The following SORCS3 variants were observed in gnomAD, a reference collection of about 807,000 sequenced individuals.
SORCS3 encodes VPS10 domain-containing receptor SorCS3.
A neutral mutation model predicts 146.3 loss-of-function variants in SORCS3; 57 were observed. That is an observed-to-expected ratio of 0.39 (90% CI 0.31 to 0.49). The LOEUF (loss-of-function observed/expected upper bound fraction) is 0.49. Ranked by LOEUF, SORCS3 falls within the 20% of genes least tolerant of loss-of-function variation. The pLI is 0.92. For missense variants in SORCS3, 1,341 were observed against 1,575.5 expected, an observed-to-expected ratio of 0.85 and a Z score of 2.52; for synonymous variants, 653 against 618.5, an observed-to-expected ratio of 1.06 and a Z score of -0.83.
At position 104,792,109 on chromosome 10, in the gene SORCS3, A is replaced by G. The variant is rs2451465; in HGVS notation, c.628-50683A>G. Among the ~76,000 whole-genome samples the G allele has an allele frequency of 2.0e-3, 301 of 152,252 alleles. 2 individuals are homozygous for G. Among genetic ancestry groups the G allele is most frequent in the African/African-American group, 7.1e-3 (294 of 41,550 alleles). ...AATCAGAAAGAAAAGAAGGGGTTAGATTGGAGGCATAAGTATAGAGGGAAG... is the reference window on the plus strand; with the variant it reads ...AATCAGAAAGAAAAGAAGGGGTTAGGTTGGAGGCATAAGTATAGAGGGAAG... On this transcript the variant is annotated intron_variant, in intron 1 of 26. Coordinates refer to ENST00000369701, the MANE Select transcript of SORCS3 (RefSeq NM_014978.3).
chr10:105,072,657 CTCTTTTTTTTTTTT>C lies in SORCS3; in HGVS notation c.1029-17116_1029-17103del, dbSNP rs745674052. On this transcript the variant is annotated intron_variant, in intron 5 of 26. Transcript: ENST00000369701. ...AAACCTTTTCTTTCTTTCTCTCTCT[CTCTTTTTTTTTTTT>C]TTTTTTTTTTTTTTTGGTGGTGAGG... Among the ~76,000 whole-genome samples the C allele has an allele frequency of 1.9e-3, 215 of 110,410 alleles. 6 individuals carry two copies. Among genetic ancestry groups the C allele is most frequent in the African/African-American group, 6.4e-3 (190 of 29,782 alleles). 72.4% of individuals were successfully genotyped at this position (110,410 alleles called of 152,430 possible).
At chr10:104,792,625 T>C (rs2017507922) in intron 1 of SORCS3, among the ~76,000 whole-genome samples, 1 of 152,170 alleles carries the variant, frequency 6.6e-6, no homozygotes, top group Non-Finnish European at 1.5e-5. Flanking sequence ...GGAAGTAAAA[T>C]TTTAAGTATT....
At chr10:104,865,686 C>G (rs779974332) in intron 2 of SORCS3, among the ~76,000 whole-genome samples, 13 of 152,158 alleles carry the variant, frequency 8.5e-5, no homozygotes, top group Non-Finnish European at 1.5e-4. Flanking sequence ...TGGGCTTTCA[C>G]CCGGGAGAAA....
At chr10:104,892,691 C>T (rs2018760607) in intron 2 of SORCS3, among the ~76,000 whole-genome samples, 1 of 151,896 alleles carries the variant, frequency 6.6e-6, no homozygotes, top group Admixed American at 6.6e-5. Context: ...CACTGCACTC[C>T]AGCCTGAGCA....
chr10:105,074,668 G>A (rs1398067859), intron 5 of SORCS3, among the ~76,000 whole-genome samples: 1 of 152,142 alleles, frequency 6.6e-6, no homozygotes, highest in Non-Finnish European at 1.5e-5. Context: ...CTTCCCTGTT[G>A]TCTTCCCACT....
At chr10:104,959,137 G>A (rs1048423536) in intron 3 of SORCS3, among the ~76,000 whole-genome samples, 5 of 152,084 alleles carry the variant, frequency 3.3e-5, no homozygotes, top group African/African-American at 1.2e-4. Context: ...CTTGCAGATA[G>A]GTAAGATAAT....
At chr10:105,003,937 C>T (rs569391191) in intron 4 of SORCS3, among the ~76,000 whole-genome samples, 1 of 151,150 alleles carries the variant, frequency 6.6e-6, no homozygotes, top group South Asian at 2.1e-4. Context: ...CTAGTTTACA[C>T]CTGGATGCCA....
At chr10:104,787,890 C>A (rs576247934) in intron 1 of SORCS3, among the ~76,000 whole-genome samples, 1 of 152,298 alleles carries the variant, frequency 6.6e-6, no homozygotes, top group Non-Finnish European at 1.5e-5. Flanking sequence ...CCTGTGAAAA[C>A]AGGGCTTACA....
chr10:104,651,533 T>TAAAA lies in SORCS3; in HGVS notation c.627+9597_627+9600dup, dbSNP rs34352025. 2.7e-3 allele frequency among the ~76,000 whole-genome samples: 305 copies of TAAAA among 112,608 alleles called. 7 individuals carry two copies. The highest frequency in any genetic ancestry group is 4.8e-3 in the Middle Eastern group (1 of 208). 73.9% of individuals were successfully genotyped at this position (112,608 alleles called of 152,430 possible). A position where few individuals can be genotyped will look rare whatever the true frequency, so the allele number is the denominator to read the frequency against. ...ACATAGTGAAACCTCCGGGCTCTAC[T>TAAAA]AAAAAAAAAAAAAAAAAAAAACACA... On this transcript the variant is annotated intron_variant, in intron 1 of 26. Transcript: ENST00000369701.
chr10:105,011,003 T>C (rs2055132744), intron 4 of SORCS3, among the ~76,000 whole-genome samples: 1 of 152,096 alleles, frequency 6.6e-6, no homozygotes, highest in African/African-American at 2.4e-5. Context: ...GAGTGATGGC[T>C]GGAGGAAGGG....
At chr10:105,145,214 T>C (rs1366781956) in intron 8 of SORCS3, among the ~76,000 whole-genome samples, 1 of 152,186 alleles carries the variant, frequency 6.6e-6, no homozygotes, top group East Asian at 1.9e-4. Flanking sequence ...GTTTAGAAGT[T>C]AGCTTCTTGG....
At chr10:105,026,815 T>A (rs1564737580) in intron 4 of SORCS3, among the ~76,000 whole-genome samples, 1 of 152,064 alleles carries the variant, frequency 6.6e-6, no homozygotes, top group Non-Finnish European at 1.5e-5. Context: ...CAATATATAC[T>A]GCGGACTACA....
At chr10:104,700,774 A>G (rs971713424) in intron 1 of SORCS3, among the ~76,000 whole-genome samples, 2 of 152,192 alleles carry the variant, frequency 1.3e-5, no homozygotes, top group East Asian at 3.9e-4. Flanking sequence ...AGCCAGCCTC[A>G]TGCCTAGAAT....
At chr10:105,114,174 T>A (rs765181506) in intron 7 of SORCS3, among the ~76,000 whole-genome samples, 1 of 152,068 alleles carries the variant, frequency 6.6e-6, no homozygotes, top group Non-Finnish European at 1.5e-5. Flanking sequence ...ATGTCTGCAG[T>A]GGATTGTGTG....
intron 16 of SORCS3, among the ~76,000 whole-genome samples, chr10:105,207,484 G>T (rs183175712): frequency 6.6e-6 from 1 of 152,052 alleles, no homozygotes; most frequent in South Asian, 2.1e-4. Context: ...TGCAGAATCC[G>T]CAGCAGTAGA....
chr10:104,919,165 G>T (rs2019061367), intron 3 of SORCS3, among the ~76,000 whole-genome samples: 1 of 152,138 alleles, frequency 6.6e-6, no homozygotes, highest in Non-Finnish European at 1.5e-5. Flanking sequence ...TGACATTCAG[G>T]CAGTGGGCTC....
intron 4 of SORCS3, among the ~76,000 whole-genome samples, chr10:104,996,289 G>A (rs1315167392): frequency 6.6e-6 from 1 of 152,170 alleles, no homozygotes; most frequent in Non-Finnish European, 1.5e-5. Context: ...CTAATTTGAG[G>A]AGAATTGGCC....
intron 3 of SORCS3, among the ~76,000 whole-genome samples, chr10:104,942,526 AAC>A (rs2019331063): frequency 6.6e-6 from 1 of 152,254 alleles, no homozygotes; most frequent in Non-Finnish European, 1.5e-5. Context: ...CCTTTTTATG[AAC>A]ATAGATGCAA....
At chr10:104,675,770 T>C (rs2015905987) in intron 1 of SORCS3, among the ~76,000 whole-genome samples, 1 of 152,232 alleles carries the variant, frequency 6.6e-6, no homozygotes, top group Non-Finnish European at 1.5e-5. Context: ...AGCTTTATAA[T>C]CAATCTTATT....
Sources: allele counts gnomAD v4.1 joint callset (sites outside exome capture counted in the v4.1 genomes callset), GRCh38; gene constraint gnomAD v4.1.1; transcripts MANE v1.5; gene names NCBI Gene and HGNC (gene_info 2026-07-23, HGNC 2026-07-21).